FYB1: variants seen among roughly 807,000 people sequenced by gnomAD.
FYB1 encodes FYN-binding protein 1.
In FYB1, 41 loss-of-function variants were observed where a neutral mutation model predicts 94.1. That is an observed-to-expected ratio of 0.44 (90% CI 0.34 to 0.57). FYB1 has a LOEUF of 0.57. Among genes scored for constraint, FYB1 ranks in the 20% least tolerant of loss-of-function variants. FYB1 has a pLI of 0.02. For synonymous variants in FYB1, 367 were observed against 353.2 expected (o/e 1.04, Z -0.44); for missense variants, 1,050 against 976.8 (o/e 1.07, Z -1.00).
Position 39,110,367 on chromosome 5 carries a change from G to A in FYB1, c.2424C>T (p.Tyr808=). ...EGKYGYVLRS[Y]LADNDGEIYD... is the part of the protein sequence containing the mutation. ...GAAAATGGGCTTACTTGTCCGCTAG[G>A]TAACTCCGAAGGACATAACCATCTA... The change falls in exon 17 of 19, where the codon TAC becomes TAT. Residue 808 remains tyrosine, a synonymous_variant. Coordinates refer to ENST00000512982, the MANE Select transcript of FYB1 (RefSeq NM_001465.6). 1 of 1,595,010 alleles carries A rather than the reference G, an allele frequency of 6.3e-7. No homozygotes were observed. The highest frequency in any genetic ancestry group is 8.6e-7 in the Non-Finnish European group (1 of 1,167,720).
chr5:39,151,025 C>T (rs1022779275), intron 3 of FYB1, among the ~76,000 whole-genome samples: 1 of 152,198 alleles, frequency 6.6e-6, no homozygotes, highest in African/African-American at 2.4e-5. Context: ...CCCTACCATT[C>T]CTTCCCTTGC....
intron 1 of FYB1, among the ~76,000 whole-genome samples, chr5:39,261,183 G>C (rs1338495715): frequency 1.3e-5 from 2 of 151,826 alleles, no homozygotes; most frequent in African/African-American, 4.8e-5. Context: ...TTGGGGGATG[G>C]GGAGCGAGGG....
intron 2 of FYB1, among the ~76,000 whole-genome samples, chr5:39,166,619 C>T (rs563689822): frequency 1.2e-4 from 19 of 152,132 alleles, no homozygotes; most frequent in Non-Finnish European, 1.9e-4. Context: ...GAATACTACT[C>T]AGCCATAAAA....
At chr5:39,265,772 C>T (rs1462650342) in intron 1 of FYB1, among the ~76,000 whole-genome samples, 1 of 152,194 alleles carries the variant, frequency 6.6e-6, no homozygotes, top group African/African-American at 2.4e-5. Context: ...AAGTGTAACC[C>T]GTGGGAAGCC....
chr5:39,203,337 G>T (rs1748549706), intron 1 of FYB1, among the ~76,000 whole-genome samples: 1 of 152,042 alleles, frequency 6.6e-6, no homozygotes, highest in Non-Finnish European at 1.5e-5. Flanking sequence ...GAAAAAATAT[G>T]GAAGTGACTA....
chr5:39,172,170 G>T (rs535522362), intron 2 of FYB1, among the ~76,000 whole-genome samples: 46 of 152,306 alleles, frequency 3.0e-4, no homozygotes, highest in Non-Finnish European at 4.3e-4. Flanking sequence ...TTTTGGCCGG[G>T]TGTGGTGGCT....
intron 1 of FYB1, among the ~76,000 whole-genome samples, chr5:39,268,407 C>T (rs369124787): frequency 6.6e-6 from 1 of 151,696 alleles, no homozygotes. Flanking sequence ...TATTTTTTTA[C>T]TTTATTTTTT....
chr5:39,142,018 A>T (rs1270189633), intron 3 of FYB1, among the ~76,000 whole-genome samples: 1 of 152,204 alleles, frequency 6.6e-6, no homozygotes, highest in Non-Finnish European at 1.5e-5. Flanking sequence ...TAATAGCATT[A>T]TCAATACCTG....
rs201005138 is a variant in FYB1 at position 39,215,455 on chromosome 5, TG to T, written c.-28+3987del. Among the ~76,000 whole-genome samples the T allele has an allele frequency of 6.2e-3, 947 of 152,224 alleles. 10 individuals carry two copies. Among genetic ancestry groups the T allele is most frequent in the African/African-American group, 0.022 (894 of 41,522 alleles). ...AGCACATTGTGTGGTAGGATCACCC[TG>T]GGGGAAGTTTTTTTAAAGCAGCACT... On this transcript the variant is annotated intron_variant, in intron 1 of 18. Coordinates refer to ENST00000512982, the MANE Select transcript of FYB1 (RefSeq NM_001465.6).
chr5:39,247,513 T>G (rs532913240), intron 1 of FYB1, among the ~76,000 whole-genome samples: 1 of 152,126 alleles, frequency 6.6e-6, no homozygotes, highest in Admixed American at 6.6e-5. Flanking sequence ...TTCAGAAAAC[T>G]GGGTTCATGT....
chr5:39,198,294 T>G (rs2150483542), intron 2 of FYB1, among the ~76,000 whole-genome samples: 1 of 152,312 alleles, frequency 6.6e-6, no homozygotes, highest in East Asian at 1.9e-4. Context: ...CTTTGAAGTC[T>G]ACATTATATG....
intron 1 of FYB1, among the ~76,000 whole-genome samples, chr5:39,235,132 C>T (rs1235711752): frequency 6.6e-6 from 1 of 151,548 alleles, no homozygotes; most frequent in African/African-American, 2.4e-5. Flanking sequence ...AATTTAAATT[C>T]CCTGGAAGAA....
At chr5:39,258,322 G>A (rs547886270) in intron 1 of FYB1, among the ~76,000 whole-genome samples, 18 of 152,266 alleles carry the variant, frequency 1.2e-4, no homozygotes, top group Middle Eastern at 3.4e-3. Context: ...GAAGCTAGCC[G>A]GGCGTGGTGG....
chr5:39,160,796 G>C (rs1440737258), intron 2 of FYB1, among the ~76,000 whole-genome samples: 1 of 152,220 alleles, frequency 6.6e-6, no homozygotes. Flanking sequence ...TAGGAACTAA[G>C]ACAGTTGTGT....
At chr5:39,237,966 A>T (rs1751042854) in intron 1 of FYB1, among the ~76,000 whole-genome samples, 1 of 152,094 alleles carries the variant, frequency 6.6e-6, no homozygotes, top group Admixed American at 6.6e-5. Context: ...TTAGACAAAG[A>T]TATAGAAGCA....
intron 8 of FYB1, among the ~76,000 whole-genome samples, 173 bp downstream of exon 8, chr5:39,134,682 A>G (rs1172167330): frequency 2.0e-5 from 3 of 152,220 alleles, no homozygotes; most frequent in African/African-American, 4.8e-5. Flanking sequence ...CACAATATAG[A>G]TAACAGATGA....
intron 2 of FYB1, among the ~76,000 whole-genome samples, chr5:39,193,146 G>A (rs1404269023): frequency 6.6e-6 from 1 of 152,158 alleles, no homozygotes; most frequent in East Asian, 1.9e-4. Flanking sequence ...GGGGTTAGAG[G>A]ACACCTGAGT....
chr5:39,140,215 G>A (rs1269364125), intron 4 of FYB1, among the ~76,000 whole-genome samples: 2 of 152,150 alleles, frequency 1.3e-5, no homozygotes, highest in Non-Finnish European at 2.9e-5. Context: ...AATGGGAGAA[G>A]ATATTTGCAA....
chr5:39,122,305 T>C, intron 14 of FYB1, 31 bp downstream of exon 14: 1 of 1,374,152 alleles, frequency 7.3e-7, no homozygotes, highest in African/African-American at 1.4e-5. Flanking sequence ...TCATTTTCAT[T>C]ACTTCATTGT....
Sources: gnomAD v4.1 joint callset for allele counts (sites outside exome capture counted in the v4.1 genomes callset) on GRCh38, gnomAD v4.1.1 for gene constraint, MANE v1.5 for transcripts, NCBI Gene and HGNC (gene_info 2026-07-23, HGNC 2026-07-21) for gene names.